SLC20A2: variants seen among roughly 807,000 people sequenced by gnomAD.
The protein encoded by SLC20A2 is sodium-dependent phosphate transporter 2.
In SLC20A2, 30 loss-of-function variants were observed where a neutral mutation model predicts 61.0. That is an observed-to-expected ratio of 0.49 (90% CI 0.37 to 0.67). SLC20A2 has a LOEUF of 0.67. Among genes scored for constraint, SLC20A2 ranks in the 30% least tolerant of loss-of-function variants. The probability of loss-of-function intolerance (pLI) is 0.00; values close to 1 mark genes in which losing one functional copy is unlikely to be tolerated. For synonymous variants in SLC20A2, 351 were observed against 353.3 expected (o/e 0.99, Z 0.07); for missense variants, 626 against 866.4 (o/e 0.72, Z 3.48).
chr8:42,480,715 G>C (rs532561626), intron 1 of SLC20A2, among the ~76,000 whole-genome samples: 2 of 152,126 alleles, frequency 1.3e-5, no homozygotes, highest in South Asian at 4.2e-4. Context: ...GCTGGAGTGC[G>C]GTGGCATGAT....
chr8:42,478,674 T>C lies in SLC20A2; in HGVS notation c.-264-6020A>G, dbSNP rs536775518. Among the ~76,000 whole-genome samples the C allele has an allele frequency of 2.6e-5, 4 of 152,220 alleles. No homozygotes were observed. The East Asian group carries it at 7.7e-4, about 29-fold the overall frequency. On this transcript the variant is annotated intron_variant, in intron 1 of 10. Coordinates refer to ENST00000520262, the MANE Select transcript of SLC20A2 (RefSeq NM_001257180.2). ...GGTGGCTGTATTACTGCACGTGTTG[T>C]CAAAACTCACGAAACTGTTCACTCA...
At chr8:42,531,391 C>G (rs1182051519) in intron 1 of SLC20A2, among the ~76,000 whole-genome samples, 1 of 152,164 alleles carries the variant, frequency 6.6e-6, no homozygotes, top group Non-Finnish European at 1.5e-5. Flanking sequence ...CAATCAACCC[C>G]TCTTTGTAGG....
chr8:42,436,091 G>A (rs1456979995), intron 8 of SLC20A2, among the ~76,000 whole-genome samples: 1 of 151,912 alleles, frequency 6.6e-6, no homozygotes, highest in Non-Finnish European at 1.5e-5. Context: ...ACTCCAGCCT[G>A]GGGAACAGAG....
At chr8:42,484,971 GC>G in intron 1 of SLC20A2, 1 of 315,336 alleles carries the variant, frequency 3.2e-6, no homozygotes, top group Non-Finnish European at 6.2e-6. Context: ...TAAGCACAAG[GC>G]CTGCATTTGG....
chr8:42,466,055 A>G, intron 2 of SLC20A2, 138 bp from the exon 3 acceptor site: 1 of 757,330 alleles, frequency 1.3e-6, no homozygotes, highest in Non-Finnish European at 2.0e-6. Flanking sequence ...AAAGCGCTAC[A>G]GCCTGGACAA....
At chr8:42,522,984 CA>C (rs1294289200) in intron 1 of SLC20A2, among the ~76,000 whole-genome samples, 1 of 151,686 alleles carries the variant, frequency 6.6e-6, no homozygotes, top group African/African-American at 2.4e-5. Context: ...TTTGGCCTCC[CA>C]AAGTGCTGGG....
At chr8:42,541,760 G>T (rs1371959097) in intron 1 of SLC20A2, 1 of 148,954 alleles carries the variant, frequency 6.7e-6, no homozygotes, top group Non-Finnish European at 1.5e-5. Flanking sequence ...CGCGTCACCC[G>T]GCCCCGCCCC....
At chr8:42,485,306 G>A (rs548905863) in intron 1 of SLC20A2, among the ~76,000 whole-genome samples, 3 of 152,086 alleles carry the variant, frequency 2.0e-5, no homozygotes, top group African/African-American at 7.2e-5. Context: ...CCAAAAAAGG[G>A]GAGCTTGTCA....
At chr8:42,516,472 C>T (rs1219402390) in intron 1 of SLC20A2, among the ~76,000 whole-genome samples, 1 of 152,212 alleles carries the variant, frequency 6.6e-6, no homozygotes, top group Non-Finnish European at 1.5e-5. Flanking sequence ...GTTCCCCAAC[C>T]TGGGAGGTCA....
At chr8:42,450,773 C>T (rs1223712380) in intron 5 of SLC20A2, among the ~76,000 whole-genome samples, 1 of 152,226 alleles carries the variant, frequency 6.6e-6, no homozygotes, top group Non-Finnish European at 1.5e-5. Context: ...ATCTGCCTGC[C>T]TCTGCCTCCC....
chr8:42,540,014 C>A (rs910115035), intron 1 of SLC20A2, among the ~76,000 whole-genome samples: 1 of 152,136 alleles, frequency 6.6e-6, no homozygotes, highest in African/African-American at 2.4e-5. Context: ...CACGTTTGCC[C>A]GGCGCGGTGG....
rs754379000 is a variant in SLC20A2, at chr8:42,472,263, G to A, written c.128C>T (p.Thr43Ile). The change falls in exon 2 of 11, where the codon ACC becomes ATC. Residue 43 changes from threonine to isoleucine, a missense_variant. By Grantham distance (89) the Thr-to-Ile change is moderately conservative. Transcript: ENST00000520262. The surrounding 1 kb of genome is among the most constrained non-coding windows in gnomAD (Gnocchi z 4.1). ...FGTAVGSGVV[T>I]LRQACILASI... The stretch of plus-strand genomic sequence containing the variant: ...AGCTAAAATGCATGCCTGCCTCAAG[G>A]TCACCACACCAGAGCCCACGGCTGT... The A allele has an allele frequency of 1.2e-6, 2 of 1,614,110 alleles. No individual in the cohort carries two copies. Among genetic ancestry groups the A allele is most frequent in the Admixed American group, 1.7e-5 (1 of 60,010 alleles).
intron 10 of SLC20A2, among the ~76,000 whole-genome samples, chr8:42,422,092 G>A (rs1305319395): frequency 3.3e-5 from 5 of 152,116 alleles, no homozygotes; most frequent in Admixed American, 6.5e-5. Flanking sequence ...TTGCTCTGTC[G>A]CCCAGGCTGG....
At chr8:42,534,342 A>C (rs1403089663) in intron 1 of SLC20A2, among the ~76,000 whole-genome samples, 1 of 152,160 alleles carries the variant, frequency 6.6e-6, no homozygotes, top group Non-Finnish European at 1.5e-5. Context: ...GCTAAAAAAG[A>C]AGCTTAATGC....
intron 2 of SLC20A2, among the ~76,000 whole-genome samples, chr8:42,467,966 A>G (rs890930759): frequency 4.6e-5 from 7 of 151,316 alleles, no homozygotes; most frequent in African/African-American, 1.2e-4. Context: ...GCCCAGGCGC[A>G]ATCTCGGCTC....
In SLC20A2 at chr8:42,434,906, G is replaced by A. The variant is rs533626088; in HGVS notation, c.1523+2083C>T. ...CATGTGTGAGTGTGCGTGTGAGTGC[G>A]CATGTGAGTGTGTGTGCGTGTGTGT... On this transcript the variant is annotated intron_variant, in intron 8 of 10. Transcript: ENST00000520262. Among the ~76,000 whole-genome samples the A allele has an allele frequency of 9.2e-4, 139 of 151,578 alleles. 1 individual carries two copies. The highest frequency in any genetic ancestry group is 1.6e-3 in the Non-Finnish European group (111 of 67,994).
At chr8:42,492,374 G>C (rs1420345301) in intron 1 of SLC20A2, among the ~76,000 whole-genome samples, 1 of 152,164 alleles carries the variant, frequency 6.6e-6, no homozygotes, top group Non-Finnish European at 1.5e-5. Context: ...GAAAGAAAAC[G>C]AAGATCTGCC....
intron 1 of SLC20A2, among the ~76,000 whole-genome samples, chr8:42,491,367 T>C (rs1563519273): frequency 6.6e-6 from 1 of 152,070 alleles, no homozygotes; most frequent in Admixed American, 6.6e-5. Context: ...TTGCCAGGCA[T>C]GGTGGCACAT....
chr8:42,514,497 C>G (rs1265105908), intron 1 of SLC20A2, among the ~76,000 whole-genome samples: 3 of 152,260 alleles, frequency 2.0e-5, no homozygotes, highest in African/African-American at 7.2e-5. Context: ...GTGGCTCATG[C>G]CTGTAATCCC....
Sources: allele counts gnomAD v4.1 joint callset (sites outside exome capture counted in the v4.1 genomes callset), GRCh38; gene constraint gnomAD v4.1.1; non-coding constraint Gnocchi (gnomAD v3.1); transcripts MANE v1.5; gene names NCBI Gene and HGNC (gene_info 2026-07-23, HGNC 2026-07-21).